The following AJAP1 variants were observed in gnomAD, a reference collection of about 807,000 sequenced individuals.
AJAP1 encodes the protein adherens junction-associated protein 1.
A neutral mutation model predicts 35.0 loss-of-function variants in AJAP1; 5 were observed. The observed-to-expected ratio is 0.14, with a 90% CI of 0.07 to 0.30. The LOEUF (loss-of-function observed/expected upper bound fraction) is 0.30, where lower values mean the gene tolerates loss of function less well. AJAP1 is among the 10% of genes least tolerant of loss of function. AJAP1 has a pLI of 1.00. For missense variants in AJAP1, 586 were observed against 571.0 expected (o/e 1.03, Z -0.27); for synonymous variants, 284 against 249.3 (o/e 1.14, Z -1.31).
chr1:4,679,837 G>GTT (rs1179815386), intron 1 of AJAP1, among the ~76,000 whole-genome samples: 1 of 151,392 alleles, frequency 6.6e-6, no homozygotes, highest in Non-Finnish European at 1.5e-5. Flanking sequence ...GTGTGTGTGT[G>GTT]TGTGTGTGTG....
Position 4,662,766 on chromosome 1 carries a change from C to T in AJAP1, c.29+7312C>T, listed in dbSNP as rs564795760. On this transcript the variant is annotated intron_variant, in intron 1 of 5. Coordinates refer to ENST00000378191, the MANE Select transcript of AJAP1 (RefSeq NM_018836.4). ...CCCTACACACAAGCCATTGTTGATT[C>T]GAACATTTCGCATTCAATAAGCATT... Among the ~76,000 whole-genome samples the T allele has an allele frequency of 3.9e-5, 6 of 152,336 alleles. No individual in the cohort carries two copies. In the South Asian group the frequency reaches 8.3e-4, roughly 21 times the overall value.
chr1:4,724,613 G>T (rs545835815), intron 2 of AJAP1, among the ~76,000 whole-genome samples: 1 of 149,372 alleles, frequency 6.7e-6, no homozygotes, highest in Non-Finnish European at 1.5e-5. Context: ...GCTTTCCACC[G>T]GCCGTCACCT....
intron 2 of AJAP1, among the ~76,000 whole-genome samples, chr1:4,744,507 G>A (rs1394312190): frequency 6.6e-6 from 1 of 152,154 alleles, no homozygotes; most frequent in Non-Finnish European, 1.5e-5. Context: ...GGATCCAGAT[G>A]CAGACCTGCT....
At chr1:4,721,092 G>A (rs969795994) in intron 2 of AJAP1, among the ~76,000 whole-genome samples, 3 of 152,192 alleles carry the variant, frequency 2.0e-5, no homozygotes, top group Admixed American at 2.0e-4. Context: ...CTCCCTTTAC[G>A]TAGCTGGAAT....
chr1:4,767,652 C>CAT (rs1641716791), intron 2 of AJAP1, among the ~76,000 whole-genome samples: 2 of 84,666 alleles, frequency 2.4e-5, no homozygotes, highest in Admixed American at 2.4e-4. Context: ...ACCATCACCA[C>CAT]CATCATCATC....
rs373449363 is a variant in AJAP1, at chr1:4,730,143, G to T, written c.829+17444G>T. 4.6e-5 allele frequency among the ~76,000 whole-genome samples: 7 copies of T among 152,274 alleles called. No individual in the cohort carries two copies. The East Asian group carries it at 9.7e-4, about 21-fold the overall frequency. ...TATGTCGGTATTGCCTGTGCACCTC[G>T]CAGATTCCACCCCTACAAGAATGGA... On this transcript the variant is annotated intron_variant, in intron 2 of 5. Transcript: ENST00000378191.
chr1:4,765,885 G>GC (rs1641673065), intron 2 of AJAP1, among the ~76,000 whole-genome samples: 1 of 152,164 alleles, frequency 6.6e-6, no homozygotes, highest in South Asian at 2.1e-4. Flanking sequence ...TTAAGACCCA[G>GC]CCATAAACTA....
At chr1:4,737,318 C>A (rs761678332) in intron 2 of AJAP1, among the ~76,000 whole-genome samples, 3 of 152,142 alleles carry the variant, frequency 2.0e-5, no homozygotes, top group Admixed American at 2.0e-4. Flanking sequence ...GACAAGCCCC[C>A]GTCACCACCC....
intron 2 of AJAP1, among the ~76,000 whole-genome samples, chr1:4,736,913 C>G (rs1640939152): frequency 6.6e-6 from 1 of 152,108 alleles, no homozygotes; most frequent in African/African-American, 2.4e-5. Flanking sequence ...GGGCTGACTA[C>G]TGGGGGTGGA....
In AJAP1 at chr1:4,791,680, C is replaced by T. The variant is rs1370134216; in HGVS notation, c.*9195C>T. ...ACAACATCAAGCATTGGCCATTGGG[C>T]GTATCTGGGCATTGGTATGGAATAA... On this transcript the variant is annotated 3_prime_UTR_variant, in exon 6 of 6. Transcript: ENST00000378191. 3 of 152,186 alleles carry T rather than the reference C, an allele frequency of 2.0e-5. No homozygotes were observed. Among genetic ancestry groups the T allele is most frequent in the South Asian group, 4.1e-4 (2 of 4,824 alleles). 9.4% of individuals were successfully genotyped at this position (152,186 alleles called of 1,614,324 possible).
intron 1 of AJAP1, among the ~76,000 whole-genome samples, chr1:4,671,036 A>G (rs1231632059): frequency 6.6e-6 from 1 of 152,164 alleles, no homozygotes; most frequent in Admixed American, 6.5e-5. Flanking sequence ...ATTTCTCCAC[A>G]TAGGTGATTG....
At position 4,713,863 on chromosome 1, in the gene AJAP1, C is replaced by T. The variant is rs1283271307; in HGVS notation, c.829+1164C>T. Among the ~76,000 whole-genome samples the T allele has an allele frequency of 2.6e-5, 4 of 152,228 alleles. No homozygotes were observed. In the East Asian group the frequency reaches 7.7e-4, roughly 29 times the overall value. On this transcript the variant is annotated intron_variant, in intron 2 of 5. Transcript: ENST00000378191. ...CCTCCAGCTTGTGGGCTCGGTAGGC[C>T]CCACCCAGGCCTCTGCAGAATCAAG... is the stretch of plus-strand genomic sequence containing the variant.
At chr1:4,751,959 G>T (rs1433345929) in intron 2 of AJAP1, among the ~76,000 whole-genome samples, 1 of 152,186 alleles carries the variant, frequency 6.6e-6, no homozygotes. Flanking sequence ...ACAGCCTAAT[G>T]CAACCAGACC....
At chr1:4,660,871 G>A (rs770094408) in intron 1 of AJAP1, among the ~76,000 whole-genome samples, 6 of 152,178 alleles carry the variant, frequency 3.9e-5, no homozygotes, top group Admixed American at 1.3e-4. Context: ...CATAATTATT[G>A]GATAAGAAGA....
At chr1:4,727,083 G>T (rs1640680728) in intron 2 of AJAP1, among the ~76,000 whole-genome samples, 1 of 152,234 alleles carries the variant, frequency 6.6e-6, no homozygotes, top group Admixed American at 6.5e-5. Flanking sequence ...TCGCAGTTTG[G>T]GTTACATCTG....
chr1:4,667,386 C>T (rs929901278), intron 1 of AJAP1, among the ~76,000 whole-genome samples: 1 of 152,182 alleles, frequency 6.6e-6, no homozygotes, highest in Non-Finnish European at 1.5e-5. Flanking sequence ...TCCGTGGGGA[C>T]CTTCTCACCT....
intron 5 of AJAP1, among the ~76,000 whole-genome samples, chr1:4,775,921 G>T (rs1019632720): frequency 7.9e-5 from 12 of 152,250 alleles, no homozygotes; most frequent in Admixed American, 5.2e-4. Flanking sequence ...CAAGCTAGCC[G>T]CAGGGAGCTG....
Position 4,769,771 on chromosome 1 carries a change from A to C in AJAP1, c.830-82A>C, listed in dbSNP as rs373712306. On this transcript the variant is annotated intron_variant, in intron 2 of 5. Coordinates refer to ENST00000378191, the MANE Select transcript of AJAP1 (RefSeq NM_018836.4). The stretch of plus-strand genomic sequence containing the variant: ...TGGCATCCCCAGCTGGGTTGGGGGG[A>C]TGCACCTCCACCTTTCCCGGCCCCC... 16 of 1,202,954 alleles carry C rather than the reference A, an allele frequency of 1.3e-5. No individual in the cohort carries two copies. In the African/African-American group the frequency reaches 1.3e-4, roughly 10 times the overall value. 74.5% of individuals were successfully genotyped at this position (1,202,954 alleles called of 1,614,324 possible). A position where few individuals can be genotyped will look rare whatever the true frequency, so the allele number is the denominator to read the frequency against.
intron 2 of AJAP1, among the ~76,000 whole-genome samples, chr1:4,725,839 TCTC>T (rs756690861): frequency 2.6e-5 from 4 of 152,152 alleles, no homozygotes; most frequent in East Asian, 1.9e-4. Context: ...TGTGTCCTCG[TCTC>T]CTCCTCTATA....
Sources: gnomAD v4.1 joint callset for allele counts (sites outside exome capture counted in the v4.1 genomes callset) on GRCh38, gnomAD v4.1.1 for gene constraint, MANE v1.5 for transcripts, NCBI Gene and HGNC (gene_info 2026-07-23, HGNC 2026-07-21) for gene names.